The following MED20 variants were observed in gnomAD, a reference collection of about 807,000 sequenced individuals.
MED20 encodes mediator complex subunit 20, also known as mediator of RNA polymerase II transcription subunit 20.
A neutral mutation model predicts 19.7 loss-of-function variants in MED20; 19 were observed. That is an observed-to-expected ratio of 0.96 (90% CI 0.67 to 1.42). MED20 has a LOEUF of 1.42. Ranked by LOEUF, MED20 falls within the 40% of genes most tolerant of loss-of-function variation. The probability of loss-of-function intolerance (pLI) is 0.00; values close to 1 mark genes in which losing one functional copy is unlikely to be tolerated. For synonymous variants in MED20, 105 were observed against 104.8 expected, an observed-to-expected ratio of 1.00 and a Z score of -0.01; for missense variants, 225 against 273.0, an observed-to-expected ratio of 0.82 and a Z score of 1.24.
chr6:41,917,710 T>C (rs371821794), intron 1 of MED20: 1 of 466,352 alleles, frequency 2.1e-6, no homozygotes, highest in African/African-American at 2.0e-5. Context: ...CTGAGTCATA[T>C]AATGAAAAAG....
chr6:41,916,934 G>A lies in MED20; in HGVS notation c.20C>T (p.Ser7Phe), dbSNP rs769905909. 1.2e-6 allele frequency: 2 copies of A among 1,613,938 alleles called. No individual in the cohort carries two copies. Among genetic ancestry groups the A allele is most frequent in the South Asian group, 1.1e-5 (1 of 91,070 alleles). ...CTTGCCCTCGGCCACAGGCATCTGG[G>A]ACACACTGGAAAGGAGAGCACCAAA... is the stretch of plus-strand genomic sequence containing the variant. Reference protein sequence around the residue: MGVTCVSQMPVAEGKSV... With the variant: MGVTCVFQMPVAEGKSV... The change falls in exon 2 of 4, where the codon TCC becomes TTC. Residue 7 changes from serine to phenylalanine, a missense_variant. Physicochemically the swap from Ser to Phe is radical, Grantham distance 155 (BLOSUM62 -2). Coordinates refer to ENST00000265350, the MANE Select transcript of MED20 (RefSeq NM_004275.5).
chr6:41,920,002 G>A (rs1220297038), intron 1 of MED20, among the ~76,000 whole-genome samples: 1 of 152,114 alleles, frequency 6.6e-6, no homozygotes, highest in Non-Finnish European at 1.5e-5. Context: ...AAATATCCTG[G>A]CCTCCGGATT....
chr6:41,912,399 CA>C (rs1032361964), intron 2 of MED20, among the ~76,000 whole-genome samples: 3 of 139,740 alleles, frequency 2.1e-5, no homozygotes, highest in South Asian at 4.5e-4. Context: ...CTCTGTTGTC[CA>C]GGCTGGAGTG....
In MED20 at chr6:41,915,397, G is replaced by A. The variant is rs143613212; in HGVS notation, c.169+1388C>T. 8.5e-5 allele frequency among the ~76,000 whole-genome samples: 13 copies of A among 152,358 alleles called. 1 individual carries two copies. In the East Asian group the frequency reaches 2.3e-3, roughly 27 times the overall value. ...TAGTTTCAGCTACTCAGGAGGCTAAGGTGGGAGGATCAACTGACCCCAGGA... is the reference window on the plus strand; with the variant it reads ...TAGTTTCAGCTACTCAGGAGGCTAAAGTGGGAGGATCAACTGACCCCAGGA... On this transcript the variant is annotated intron_variant, in intron 2 of 3. Transcript: ENST00000265350.
intron 3 of MED20, among the ~76,000 whole-genome samples, chr6:41,908,441 T>C (rs1012073196): frequency 6.6e-6 from 1 of 152,144 alleles, no homozygotes; most frequent in African/African-American, 2.4e-5. Context: ...ACACACACTC[T>C]CTGTGTCACA....
At chr6:41,915,944 A>G (rs1418928726) in intron 2 of MED20, among the ~76,000 whole-genome samples, 7 of 152,164 alleles carry the variant, frequency 4.6e-5, no homozygotes, top group Admixed American at 4.6e-4. Context: ...TTGTGTATCA[A>G]CTATACCTCA....
intron 1 of MED20, chr6:41,917,566 G>C (rs1011108514): frequency 5.9e-6 from 2 of 339,032 alleles, no homozygotes; most frequent in Non-Finnish European, 1.2e-5. Flanking sequence ...CACAGTCCCT[G>C]AGAGCCCCTC....
intron 3 of MED20, among the ~76,000 whole-genome samples, chr6:41,908,344 A>G (rs1231817662): frequency 1.3e-5 from 2 of 152,150 alleles, no homozygotes; most frequent in Non-Finnish European, 2.9e-5. Context: ...TAGGTTGTGA[A>G]CTTTCCCTGG....
chr6:41,918,170 C>T (rs1425205081), intron 1 of MED20, among the ~76,000 whole-genome samples: 2 of 152,152 alleles, frequency 1.3e-5, no homozygotes, highest in Non-Finnish European at 2.9e-5. Context: ...CAAATCCTCA[C>T]GATAGTCCTA....
rs915425947 is a variant in MED20, at chr6:41,908,639, A to T, written c.423+630T>A. Among the ~76,000 whole-genome samples the T allele has an allele frequency of 3.3e-5, 5 of 152,256 alleles. No homozygotes were observed. The South Asian group carries it at 1.0e-3, about 32-fold the overall frequency. On this transcript the variant is annotated intron_variant, in intron 3 of 3. Coordinates refer to ENST00000265350, the MANE Select transcript of MED20 (RefSeq NM_004275.5). ...AAGAGTTGTCCTGGTCTGCTCCAGA[A>T]CTTCTTGTCATGGGTGACTGTCCCT...
intron 3 of MED20, among the ~76,000 whole-genome samples, chr6:41,907,808 T>C (rs1775094909): frequency 6.6e-6 from 1 of 152,046 alleles, no homozygotes; most frequent in African/African-American, 2.4e-5. Flanking sequence ...AAAATATACA[T>C]CTTAGGTTTT....
intron 3 of MED20, among the ~76,000 whole-genome samples, chr6:41,908,544 A>G (rs11970677): frequency 0.056 from 8,532 of 152,286 alleles, 421 homozygotes; most frequent in Admixed American, 0.12. Flanking sequence ...TTCCCAACCT[A>G]TCTTAAAGCA....
chr6:41,909,922 G>T (rs1056772673), intron 2 of MED20, among the ~76,000 whole-genome samples: 1 of 152,038 alleles, frequency 6.6e-6, no homozygotes, highest in African/African-American at 2.4e-5. Context: ...CAGCATTTGG[G>T]CATGCCAAAG....
In MED20 at chr6:41,907,192, G is replaced by A. The variant is rs749069372; in HGVS notation, c.519C>T (p.Pro173=). Residue 173 remains proline (P), a synonymous_variant, in exon 4 of 4, where the codon CCC becomes CCT. Coordinates refer to ENST00000265350, the MANE Select transcript of MED20 (RefSeq NM_004275.5). ...SFLGSHTPGA[P]AVFGNRHDAV... is the part of the protein sequence containing the mutation. ...CATCATGTCTGTTCCCAAACACTGCGGGAGCCCCTGGTGTGTGGCTGCCTA... is the reference window on the plus strand; with the variant it reads ...CATCATGTCTGTTCCCAAACACTGCAGGAGCCCCTGGTGTGTGGCTGCCTA... 1.6e-5 allele frequency: 26 copies of A among 1,613,912 alleles called. No individual in the cohort carries two copies. The Admixed American group carries it at 2.2e-4, about 13-fold the overall frequency.
chr6:41,915,719 G>A (rs557520177), intron 2 of MED20, among the ~76,000 whole-genome samples: 24 of 151,070 alleles, frequency 1.6e-4, no homozygotes, highest in East Asian at 3.9e-4. Context: ...CCCTGGAGGC[G>A]GAGCTTGCAG....
intron 1 of MED20, among the ~76,000 whole-genome samples, chr6:41,918,364 C>A (rs1275911196): frequency 1.3e-5 from 2 of 151,706 alleles, no homozygotes; most frequent in Non-Finnish European, 2.9e-5. Context: ...CTTAGCCAGG[C>A]ATGGTGGTGT....
chr6:41,916,655 G>A (rs879906881), intron 2 of MED20, 130 bp downstream of exon 2: 29 of 1,136,300 alleles, frequency 2.6e-5, no homozygotes, highest in Middle Eastern at 2.1e-4. Flanking sequence ...AATTAATGAC[G>A]TCAAAAACAC....
chr6:41,914,837 G>A (rs1775275796), intron 2 of MED20, among the ~76,000 whole-genome samples: 1 of 152,112 alleles, frequency 6.6e-6, no homozygotes, highest in Non-Finnish European at 1.5e-5. Flanking sequence ...GGAGGTCAAG[G>A]CCAATGGTTA....
At chr6:41,912,136 C>A (rs1169025354) in intron 2 of MED20, among the ~76,000 whole-genome samples, 2 of 150,906 alleles carry the variant, frequency 1.3e-5, no homozygotes, top group Non-Finnish European at 2.9e-5. Context: ...GAAGCCTCAA[C>A]CTCCTGAGCC....
Sources: gnomAD v4.1 joint callset for allele counts (sites outside exome capture counted in the v4.1 genomes callset) on GRCh38, gnomAD v4.1.1 for gene constraint, MANE v1.5 for transcripts, NCBI Gene and HGNC (gene_info 2026-07-23, HGNC 2026-07-21) for gene names.